LPA: variants seen among roughly 807,000 people sequenced by gnomAD.
The protein encoded by LPA is lipoprotein(a), also known as apolipoprotein(a).
LPA carries 199 observed loss-of-function variants against 197.9 expected under a neutral mutation model. The observed-to-expected ratio is 1.01, with a 90% confidence interval of 0.90 to 1.13. The LOEUF is 1.13. Among genes scored for constraint, LPA ranks in the 50% most tolerant of loss-of-function variants. The pLI, the probability that LPA is intolerant of heterozygous loss-of-function variation, is 0.00. For missense variants in LPA, 1,853 were observed against 1,785.8 expected, an observed-to-expected ratio of 1.04 and a Z score of -0.68; for synonymous variants, 715 against 639.5, an observed-to-expected ratio of 1.12 and a Z score of -1.78.
intron 28 of LPA, among the ~76,000 whole-genome samples, chr6:160,561,290 G>T (rs1271305065): frequency 9.9e-5 from 15 of 152,186 alleles, no homozygotes; most frequent in Admixed American, 9.8e-4. Context: ...CATATGGCTA[G>T]CCAGTTTTCC....
chr6:160,538,427 T>A (rs902065722), intron 36 of LPA, among the ~76,000 whole-genome samples: 3 of 152,202 alleles, frequency 2.0e-5, no homozygotes, highest in African/African-American at 4.8e-5. Context: ...TCCTCGTGAA[T>A]GTTACTAAAC....
chr6:160,653,981 A>ATTATATATAATATATATTATATATT (rs1472448792), intron 1 of LPA, among the ~76,000 whole-genome samples: 2 of 13,986 alleles, frequency 1.4e-4, no homozygotes, highest in Non-Finnish European at 2.6e-4. Context: ...TATAATATAT[A>ATTATATATAATATATATTATATATT]ATATATAATA....
chr6:160,591,664 C>T (rs891359605), intron 22 of LPA, among the ~76,000 whole-genome samples: 3 of 152,196 alleles, frequency 2.0e-5, no homozygotes, highest in African/African-American at 7.2e-5. Context: ...GCTCCTCTCC[C>T]CTGTTACTTC....
intron 37 of LPA, among the ~76,000 whole-genome samples, chr6:160,533,057 TTCAA>T (rs1777831450): frequency 6.6e-6 from 1 of 152,232 alleles, no homozygotes. Flanking sequence ...TACTGATTTT[TTCAA>T]TCAATGTTAT....
At chr6:160,581,101 A>C (rs1238089374) in intron 26 of LPA, among the ~76,000 whole-genome samples, 1 of 152,130 alleles carries the variant, frequency 6.6e-6, no homozygotes, top group African/African-American at 2.4e-5. Context: ...TGAGTCATAC[A>C]GTAGGATTCA....
rs1216238554 is a variant in LPA at position 160,532,566 on chromosome 6, CA to C, written c.5925del (p.Cys1975TrpfsTer62). 6.2e-7 allele frequency: 1 copy of C among 1,612,982 alleles called. No homozygotes were observed. Among genetic ancestry groups the C allele is most frequent in the African/African-American group, 1.3e-5 (1 of 74,910 alleles). On this transcript the variant is annotated frameshift_variant, in exon 38 of 39. Transcript: ENST00000316300. LOFTEE classifies it high-confidence loss of function. ...TCAGTGCCTCTGGCCAAATGCTCAG[CA>C]CAAATATACTTATAGTGATTGCACA... is the stretch of plus-strand genomic sequence containing the variant. The part of the protein sequence containing the change: ...NEVCNHYKYI[C>X]AEHLARGTDS...
Position 160,646,246 on chromosome 6 carries a change from G to A in LPA, c.359C>T (p.Pro120Leu), listed in dbSNP as rs200212358. 3.5e-5 allele frequency: 1 copy of A among 28,626 alleles called. No homozygotes were observed. Among genetic ancestry groups the A allele is most frequent in the Non-Finnish European group, 6.3e-5 (1 of 15,828 alleles). 1.8% of individuals were successfully genotyped at this position (28,626 alleles called of 1,614,324 possible). Residue 120 changes from proline (P) to leucine (L), a missense_variant, in exon 3 of 39, where the codon CCG becomes CTG. Transcript: ENST00000316300. ...GGAAGGAGCCTCTAGGCTTGGAACC[G>A]GGGTAACAGTCGGAGGCGCGACGGC... is the stretch of plus-strand genomic sequence containing the variant. ...GTAVAPPTVT[P>L]VPSLEAPSEQ...
At chr6:160,567,210 C>T (rs990844934) in intron 28 of LPA, among the ~76,000 whole-genome samples, 1 of 152,170 alleles carries the variant, frequency 6.6e-6, no homozygotes, top group Non-Finnish European at 1.5e-5. Flanking sequence ...AGCACCACAT[C>T]GCACTTATTC....
rs1437390763 is a variant in LPA at position 160,548,677 on chromosome 6, A to G, written c.4974-18T>C. The G allele has an allele frequency of 6.2e-7, 1 of 1,613,782 alleles. No homozygotes were observed. The highest frequency in any genetic ancestry group is 2.2e-5 in the East Asian group (1 of 44,862). On this transcript the variant is annotated intron_variant, in intron 30 of 38. Transcript: ENST00000316300. ...TCAGGCCACTGGAAATTCCAAAGCA[A>G]TACAAGTTACAGGAGGCGGAAGAAT...
intron 2 of LPA, among the ~76,000 whole-genome samples, chr6:160,647,278 G>A (rs182852017): frequency 2.6e-5 from 4 of 152,162 alleles, no homozygotes; most frequent in South Asian, 4.1e-4. Flanking sequence ...TGAATTAGGA[G>A]GCAAAGCAGC....
intron 1 of LPA, among the ~76,000 whole-genome samples, chr6:160,660,973 C>T (rs1243039850): frequency 6.6e-6 from 1 of 152,264 alleles, no homozygotes; most frequent in East Asian, 1.9e-4. Flanking sequence ...AAATCTGAGG[C>T]AACAAATCTG....
chr6:160,604,463 T>C (rs1457687804), intron 18 of LPA, among the ~76,000 whole-genome samples: 1 of 152,154 alleles, frequency 6.6e-6, no homozygotes, highest in Non-Finnish European at 1.5e-5. Flanking sequence ...CTATCCACCC[T>C]TTTACTTTAC....
Position 160,532,550 on chromosome 6 carries a change from C to G in LPA, c.5942G>C (p.Arg1981Thr). Residue 1981 changes from arginine (R) to threonine (T), a missense_variant, in exon 38 of 39, where the codon AGA (arginine) becomes ACA (threonine). Coordinates refer to ENST00000316300, the MANE Select transcript of LPA (RefSeq NM_005577.4). Reference sequence around the variant, plus strand: ...TCTTACCTGGCAACTGTCAGTGCCTCTGGCCAAATGCTCAGCACAAATATA... The same window carrying G: ...TCTTACCTGGCAACTGTCAGTGCCTGTGGCCAAATGCTCAGCACAAATATA... ...YKYICAEHLA[R>T]GTDSCQGDSG... 6.2e-7 allele frequency: 1 copy of G among 1,607,930 alleles called. No homozygotes were observed. Among genetic ancestry groups the G allele is most frequent in the Non-Finnish European group, 8.5e-7 (1 of 1,174,376 alleles).
At chr6:160,604,959 T>G in intron 18 of LPA, 87 bp downstream of exon 18, 2 of 1,581,806 alleles carry the variant, frequency 1.3e-6, no homozygotes, top group Non-Finnish European at 1.7e-6. Flanking sequence ...ACAACTTGAG[T>G]CCTGAACACT....
chr6:160,656,549 T>G (rs1198688291), intron 1 of LPA, among the ~76,000 whole-genome samples: 2 of 152,208 alleles, frequency 1.3e-5, no homozygotes, highest in Non-Finnish European at 2.9e-5. Flanking sequence ...ACGTTTTGGG[T>G]ACCCTGGAAT....
chr6:160,650,458 T>C lies in LPA; in HGVS notation c.89A>G (p.His30Arg), dbSNP rs1316313933. 1.2e-6 allele frequency: 2 copies of C among 1,613,876 alleles called. No individual in the cohort carries two copies. The highest frequency in any genetic ancestry group is 1.3e-5 in the African/African-American group (1 of 75,032). The change falls in exon 2 of 39, where the codon CAT (histidine) becomes CGT (arginine). Residue 30 changes from histidine (H) to arginine (R), a missense_variant. His to Arg is a conservative substitution (Grantham distance 29). Transcript: ENST00000316300. ...GCCTCGATAACTCTGTCCATCACCA[T>C]GGTAGCAATCCTGGACCACATGGCT... is the stretch of plus-strand genomic sequence containing the variant. ...EQSHVVQDCY[H>R]GDGQSYRGTY...
At position 160,601,080 on chromosome 6, in the gene LPA, G is replaced by T; in HGVS notation, c.2964C>A (p.Tyr988Ter). ...YYPNAGLIKN[Y>*]CRNPDPVAAP... is the part of the protein sequence containing the mutation. ...CTGCCACAGGATCTGGATTTCGGCAGTAGTTCTTGATCAAGCCACTGGAAA... is the reference window on the plus strand; with the variant it reads ...CTGCCACAGGATCTGGATTTCGGCATTAGTTCTTGATCAAGCCACTGGAAA... The change falls in exon 19 of 39, where the codon TAC (tyrosine) becomes TAA (stop). Residue 988 changes from tyrosine (Y) to a stop codon, truncating the protein, a stop_gained. Coordinates refer to ENST00000316300, the MANE Select transcript of LPA (RefSeq NM_005577.4). LOFTEE classifies it high-confidence loss of function. The T allele has an allele frequency of 6.2e-7, 1 of 1,614,092 alleles. No individual in the cohort carries two copies. Among genetic ancestry groups the T allele is most frequent in the Non-Finnish European group, 8.5e-7 (1 of 1,179,972 alleles).
At chr6:160,604,742 C>T (rs572272999) in intron 18 of LPA, among the ~76,000 whole-genome samples, 1 of 152,102 alleles carries the variant, frequency 6.6e-6, no homozygotes, top group Admixed American at 6.5e-5. Context: ...CTGCATTGAA[C>T]CTTAGTGGGT....
At chr6:160,659,977 GA>G (rs1477491920) in intron 1 of LPA, among the ~76,000 whole-genome samples, 2 of 134,864 alleles carry the variant, frequency 1.5e-5, no homozygotes, top group African/African-American at 5.7e-5. Context: ...CCAACCTAAA[GA>G]AATACTTTTT....
Sources: allele counts gnomAD v4.1 joint callset (sites outside exome capture counted in the v4.1 genomes callset), GRCh38; gene constraint gnomAD v4.1.1; transcripts MANE v1.5; gene names NCBI Gene and HGNC (gene_info 2026-07-23, HGNC 2026-07-21).